The following PALMD variants were observed in gnomAD, a reference collection of about 807,000 sequenced individuals.
PALMD encodes palmdelphin.
In PALMD, 42 loss-of-function variants were observed where a neutral mutation model predicts 56.2. The observed-to-expected ratio is 0.75, with a 90% confidence interval of 0.58 to 0.97. The LOEUF (loss-of-function observed/expected upper bound fraction) is 0.97. PALMD is among the 50% of genes least tolerant of loss of function. PALMD has a pLI of 0.00. For synonymous variants in PALMD, 242 were observed against 222.9 expected (o/e 1.09, Z -0.76); for missense variants, 660 against 643.8 (o/e 1.03, Z -0.27).
At chr1:99,682,478 A>G (rs186756448) in intron 3 of PALMD, among the ~76,000 whole-genome samples, 2 of 152,290 alleles carry the variant, frequency 1.3e-5, no homozygotes, top group Non-Finnish European at 2.9e-5. Flanking sequence ...ACCTTCAAAA[A>G]TATTCATTAA....
chr1:99,648,577 T>C (rs1364959379), intron 1 of PALMD, among the ~76,000 whole-genome samples: 1 of 152,114 alleles, frequency 6.6e-6, no homozygotes, highest in Non-Finnish European at 1.5e-5. Flanking sequence ...ACTGAAATAA[T>C]TTTTTGTATA....
rs571729978 is a variant in PALMD at position 99,659,510 on chromosome 1, TG to T, written c.46-2805del. ...CTATCTATAGAAGTGCTCCAGGTTC[TG>T]GGGAAATTTAGGGAAGCAGGTGGCA... On this transcript the variant is annotated intron_variant, in intron 1 of 7. Transcript: ENST00000263174. Among the ~76,000 whole-genome samples the T allele has an allele frequency of 2.5e-3, 388 of 152,328 alleles. 1 individual carries two copies. Among genetic ancestry groups the T allele is most frequent in the African/African-American group, 9.0e-3 (376 of 41,574 alleles).
chr1:99,691,555 C>T (rs978481095), intron 7 of PALMD, among the ~76,000 whole-genome samples: 1 of 152,154 alleles, frequency 6.6e-6, no homozygotes, highest in Non-Finnish European at 1.5e-5. Context: ...TTGCTGTTTT[C>T]CAATTCGGCA....
At chr1:99,663,485 TC>T (rs549059400) in intron 2 of PALMD, among the ~76,000 whole-genome samples, 1 of 151,854 alleles carries the variant, frequency 6.6e-6, no homozygotes, top group Non-Finnish European at 1.5e-5. Context: ...AAGTCAACAG[TC>T]AAATCTAGAA....
chr1:99,664,065 G>T (rs577391834), intron 2 of PALMD, among the ~76,000 whole-genome samples: 1 of 152,046 alleles, frequency 6.6e-6, no homozygotes, highest in African/African-American at 2.4e-5. Context: ...CGTGCACTCT[G>T]GTTCAGGGAT....
chr1:99,655,811 A>G (rs1370804659), intron 1 of PALMD, among the ~76,000 whole-genome samples: 1 of 152,166 alleles, frequency 6.6e-6, no homozygotes, highest in Non-Finnish European at 1.5e-5. Context: ...ATTCTCCTTA[A>G]TCAAAAATAT....
intron 6 of PALMD, among the ~76,000 whole-genome samples, 190 bp downstream of exon 6, chr1:99,687,379 C>T (rs1163034792): frequency 1.3e-5 from 2 of 152,100 alleles, no homozygotes; most frequent in Non-Finnish European, 2.9e-5. Flanking sequence ...TTATTCCATG[C>T]ATTTTATTCC....
chr1:99,676,572 C>T (rs1241541855), intron 3 of PALMD, among the ~76,000 whole-genome samples: 2 of 152,072 alleles, frequency 1.3e-5, no homozygotes, highest in Non-Finnish European at 2.9e-5. Context: ...TCTCCAGTGG[C>T]TAGTATTCCA....
At chr1:99,685,841 G>A (rs12124956) in intron 3 of PALMD, 10,636 of 152,218 alleles carry the variant, frequency 0.07, 503 homozygotes, top group African/African-American at 0.14. Flanking sequence ...CCTTCTGCGT[G>A]ATTGCCAGTG....
intron 3 of PALMD, among the ~76,000 whole-genome samples, chr1:99,681,924 G>A (rs1257665224): frequency 6.6e-6 from 1 of 152,106 alleles, no homozygotes; most frequent in East Asian, 1.9e-4. Context: ...GCTCCTTAAG[G>A]ACAGTCAGTC....
rs1223373652 is a variant in PALMD, at chr1:99,675,839, A to G, written c.251+8073A>G. Among the ~76,000 whole-genome samples the G allele has an allele frequency of 3.9e-5, 6 of 152,102 alleles. No individual in the cohort carries two copies. In the East Asian group the frequency reaches 1.2e-3, roughly 29 times the overall value. ...AGAGGGTTTGCTTTTCTACTAAATC[A>G]CTCTCTTCTAACGTTGCATGCCTAC... On this transcript the variant is annotated intron_variant, in intron 3 of 7. Transcript: ENST00000263174.
intron 7 of PALMD, among the ~76,000 whole-genome samples, chr1:99,692,087 A>T (rs1454232988): frequency 6.6e-6 from 1 of 152,214 alleles, no homozygotes; most frequent in Non-Finnish European, 1.5e-5. Flanking sequence ...AATGCCAGAC[A>T]CTTCCACCAT....
rs561427095 is a variant in PALMD, at chr1:99,646,499, C to T, written c.45+137C>T. The T allele has an allele frequency of 1.6e-5, 11 of 698,836 alleles. No individual in the cohort carries two copies. The South Asian group carries it at 1.8e-4, about 12-fold the overall frequency. The allele number at this position is 698,836 out of a possible 1,614,324, so 43.3% of individuals were successfully genotyped here. A position where few individuals can be genotyped will look rare whatever the true frequency, so the allele number is the denominator to read the frequency against. ...CCTTCATGGACGAGTCTCTGTTTCTCTCTTAACCCTCATGACCCTCTGTAA... is the reference window on the plus strand; with the variant it reads ...CCTTCATGGACGAGTCTCTGTTTCTTTCTTAACCCTCATGACCCTCTGTAA... On this transcript the variant is annotated intron_variant, in intron 1 of 7. Transcript: ENST00000263174.
intron 2 of PALMD, among the ~76,000 whole-genome samples, chr1:99,663,657 T>G (rs549353809): frequency 6.6e-6 from 1 of 152,156 alleles, no homozygotes; most frequent in South Asian, 2.1e-4. Flanking sequence ...TTCCTGCCTC[T>G]GAGTAAAATG....
chr1:99,651,122 A>T (rs1201707962), intron 1 of PALMD, among the ~76,000 whole-genome samples: 1 of 152,164 alleles, frequency 6.6e-6, no homozygotes, highest in Non-Finnish European at 1.5e-5. Flanking sequence ...AAAAAGTCCC[A>T]TTCTGGAATA....
Position 99,689,784 on chromosome 1 carries a change from G to T in PALMD, c.1524G>T (p.Glu508Asp). The T allele has an allele frequency of 6.2e-7, 1 of 1,613,844 alleles. No individual in the cohort carries two copies. Among genetic ancestry groups the T allele is most frequent in the South Asian group, 1.1e-5 (1 of 91,074 alleles). The change falls in exon 7 of 8, where the codon GAG becomes GAT. Residue 508 changes from glutamate (E) to aspartate (D), a missense_variant. Glu to Asp is a conservative substitution (Grantham distance 45). Transcript: ENST00000263174. The part of the protein sequence containing the change: ...SPHKNSISLK[E>D]QEESLGSPVH... Reference sequence around the variant, plus strand: ...ACAAAAATTCCATATCTCTGAAAGAGCAAGAAGAAAGCTTAGGCAGCCCTG... The same window carrying T: ...ACAAAAATTCCATATCTCTGAAAGATCAAGAAGAAAGCTTAGGCAGCCCTG...
chr1:99,669,389 G>A (rs972988836), intron 3 of PALMD: 1 of 152,104 alleles, frequency 6.6e-6, no homozygotes, highest in Non-Finnish European at 1.5e-5. Context: ...TCTATAGTTT[G>A]GAAAACTCAA....
chr1:99,658,677 AG>A (rs1652782240), intron 1 of PALMD, among the ~76,000 whole-genome samples: 1 of 152,132 alleles, frequency 6.6e-6, no homozygotes. Context: ...AGGCTGAGGC[AG>A]GAGAATGGCG....
At chr1:99,656,628 C>T (rs889988163) in intron 1 of PALMD, among the ~76,000 whole-genome samples, 3 of 152,148 alleles carry the variant, frequency 2.0e-5, no homozygotes, top group Non-Finnish European at 4.4e-5. Flanking sequence ...CACCTATACC[C>T]TCTTTCTAGT....
Sources: gnomAD v4.1 joint callset for allele counts (sites outside exome capture counted in the v4.1 genomes callset) on GRCh38, gnomAD v4.1.1 for gene constraint, MANE v1.5 for transcripts, NCBI Gene and HGNC (gene_info 2026-07-23, HGNC 2026-07-21) for gene names.